GRIN2A: variants seen among roughly 807,000 people sequenced by gnomAD.
GRIN2A encodes glutamate ionotropic receptor NMDA type subunit 2A, also known as glutamate receptor ionotropic, NMDA 2A.
Under a neutral mutation model 113.4 loss-of-function variants are expected in GRIN2A, and 22 were observed. The ratio of observed to expected loss-of-function variants is 0.19; its 90% CI spans 0.14 to 0.28. The LOEUF is 0.28. GRIN2A is among the 10% of genes least tolerant of loss of function. GRIN2A has a pLI of 1.00. For missense variants in GRIN2A, 1,502 were observed against 1,887.0 expected, an observed-to-expected ratio of 0.80 and a Z score of 3.78; for synonymous variants, 827 against 738.4, an observed-to-expected ratio of 1.12 and a Z score of -1.94.
intron 2 of GRIN2A, among the ~76,000 whole-genome samples, chr16:10,069,097 A>G (rs973148846): frequency 6.6e-6 from 1 of 152,088 alleles, no homozygotes; most frequent in Non-Finnish European, 1.5e-5. Flanking sequence ...CTTAAAGGCT[A>G]TTCAGAAGAG....
intron 2 of GRIN2A, among the ~76,000 whole-genome samples, chr16:9,982,292 C>T (rs780888334): frequency 6.6e-6 from 1 of 152,178 alleles, no homozygotes; most frequent in Non-Finnish European, 1.5e-5. Flanking sequence ...AGGAATACTT[C>T]ATAAGTGATG....
intron 4 of GRIN2A, among the ~76,000 whole-genome samples, chr16:9,859,601 C>T (rs1467022203): frequency 1.4e-5 from 2 of 145,152 alleles, no homozygotes; most frequent in African/African-American, 2.6e-5. Context: ...CACATATACT[C>T]GAACCTCTAC....
intron 2 of GRIN2A, among the ~76,000 whole-genome samples, chr16:10,026,098 A>T (rs868691625): frequency 1.3e-5 from 2 of 152,026 alleles, no homozygotes; most frequent in Admixed American, 6.5e-5. Context: ...AGAAAAAAAT[A>T]AAAAAATATC....
chr16:10,057,959 A>G (rs899180995), intron 2 of GRIN2A, among the ~76,000 whole-genome samples: 2 of 152,208 alleles, frequency 1.3e-5, no homozygotes, highest in Non-Finnish European at 2.9e-5. Flanking sequence ...TCAAATAAGT[A>G]AAATAAAATA....
intron 2 of GRIN2A, among the ~76,000 whole-genome samples, chr16:10,084,305 C>G (rs2048042966): frequency 6.6e-6 from 1 of 152,150 alleles, no homozygotes; most frequent in Non-Finnish European, 1.5e-5. Context: ...TCCCACTCAG[C>G]ACTTTAAGCA....
chr16:9,941,884 A>G (rs1027921026), intron 2 of GRIN2A, among the ~76,000 whole-genome samples: 19 of 152,302 alleles, frequency 1.2e-4, no homozygotes, highest in Admixed American at 4.6e-4. Context: ...TACAAATGAA[A>G]AAAGACCCAG....
chr16:9,982,581 C>A (rs1050348928), intron 2 of GRIN2A, among the ~76,000 whole-genome samples: 2 of 152,152 alleles, frequency 1.3e-5, no homozygotes, highest in African/African-American at 4.8e-5. Context: ...GAATTGGTTC[C>A]CTAGCATCCT....
At chr16:10,122,902 G>C (rs928450702) in intron 2 of GRIN2A, among the ~76,000 whole-genome samples, 2 of 152,104 alleles carry the variant, frequency 1.3e-5, no homozygotes, top group Non-Finnish European at 2.9e-5. Context: ...ACATTTCCAG[G>C]TCCCTGGGGC....
At chr16:9,932,562 T>A (rs1437072381) in intron 3 of GRIN2A, among the ~76,000 whole-genome samples, 2 of 151,496 alleles carry the variant, frequency 1.3e-5, no homozygotes, top group South Asian at 2.1e-4. Context: ...TTTTTTTTTT[T>A]AGTAGAGATA....
intron 3 of GRIN2A, among the ~76,000 whole-genome samples, chr16:9,898,751 C>T (rs1277951391): frequency 6.7e-6 from 1 of 149,882 alleles, no homozygotes; most frequent in African/African-American, 2.4e-5. Context: ...TTTCTTTAAC[C>T]TCTTTTCAAT....
chr16:9,847,706 T>C (rs2042800417), intron 5 of GRIN2A, among the ~76,000 whole-genome samples: 1 of 148,092 alleles, frequency 6.8e-6, no homozygotes, highest in Non-Finnish European at 1.5e-5. Context: ...AACAAAAATA[T>C]GTAATGTTTT....
intron 2 of GRIN2A, among the ~76,000 whole-genome samples, chr16:10,070,585 C>T (rs1398767136): frequency 6.6e-6 from 1 of 152,162 alleles, no homozygotes; most frequent in African/African-American, 2.4e-5. Flanking sequence ...GCTTGAAGCC[C>T]GAGATCCTAG....
chr16:9,803,020 GAA>G (rs35821076), intron 10 of GRIN2A, among the ~76,000 whole-genome samples: 1 of 151,142 alleles, frequency 6.6e-6, no homozygotes, highest in Non-Finnish European at 1.5e-5. Flanking sequence ...TTGTTAAAAA[GAA>G]AAAAAAATCC....
intron 4 of GRIN2A, among the ~76,000 whole-genome samples, chr16:9,870,628 C>CTTTT (rs951273100): frequency 7.2e-6 from 1 of 138,194 alleles, no homozygotes; most frequent in Non-Finnish European, 1.6e-5. Context: ...AACTTTTTTT[C>CTTTT]TTTTTTTTTT....
intron 3 of GRIN2A, among the ~76,000 whole-genome samples, chr16:9,911,744 C>T (rs1454002709): frequency 6.6e-6 from 1 of 152,146 alleles, no homozygotes; most frequent in Admixed American, 6.5e-5. Flanking sequence ...GGGAGAAGCA[C>T]ATGATTATAA....
chr16:9,961,595 T>C (rs2045443986), intron 2 of GRIN2A, among the ~76,000 whole-genome samples: 1 of 152,200 alleles, frequency 6.6e-6, no homozygotes, highest in Admixed American at 6.5e-5. Flanking sequence ...CATAGGGAAC[T>C]AGAAATGTTC....
intron 2 of GRIN2A, among the ~76,000 whole-genome samples, chr16:10,008,686 T>C (rs965167242): frequency 1.1e-4 from 16 of 152,332 alleles, no homozygotes; most frequent in African/African-American, 3.8e-4. Context: ...ATTTTTTGCA[T>C]GTAATGTCAA....
At chr16:10,092,383 G>T (rs1271009186) in intron 2 of GRIN2A, among the ~76,000 whole-genome samples, 1 of 152,136 alleles carries the variant, frequency 6.6e-6, no homozygotes, top group Non-Finnish European at 1.5e-5. Flanking sequence ...GTCTTCCCAC[G>T]TTAGCAGTCG....
intron 4 of GRIN2A, among the ~76,000 whole-genome samples, chr16:9,860,350 A>T (rs2141395659): frequency 6.8e-6 from 1 of 147,402 alleles, no homozygotes; most frequent in South Asian, 2.3e-4. Context: ...CGGGAAGTTG[A>T]GGCATGAGAA....
Sources: allele counts gnomAD v4.1 joint callset (sites outside exome capture counted in the v4.1 genomes callset), GRCh38; gene constraint gnomAD v4.1.1; transcripts MANE v1.5; gene names NCBI Gene and HGNC (gene_info 2026-07-23, HGNC 2026-07-21).